The following KALRN variants were observed in gnomAD, a reference collection of about 807,000 sequenced individuals.
The protein encoded by KALRN is kalirin.
A neutral mutation model predicts 353.7 loss-of-function variants in KALRN; 70 were observed. The ratio of observed to expected loss-of-function variants is 0.20; its 90% confidence interval spans 0.16 to 0.24. KALRN has a LOEUF of 0.24. KALRN is among the 10% of genes least tolerant of loss of function. KALRN has a pLI of 1.00. For synonymous variants in KALRN, 1,391 were observed against 1,434.8 expected (o/e 0.97, Z 0.69); for missense variants, 2,791 against 3,756.7 (o/e 0.74, Z 6.72).
intron 1 of KALRN, among the ~76,000 whole-genome samples, chr3:124,142,243 G>A (rs1376038430): frequency 7.9e-5 from 12 of 152,148 alleles, no homozygotes; most frequent in Non-Finnish European, 1.6e-4. Flanking sequence ...GATGTGGAGC[G>A]ACTTGCCACA....
chr3:124,496,014 CACACACATAT>C (rs1561138039), intron 32 of KALRN, among the ~76,000 whole-genome samples: 5 of 27,440 alleles, frequency 1.8e-4, no homozygotes, highest in African/African-American at 7.9e-4. Flanking sequence ...TATATATATA[CACACACATAT>C]ATACATACAT....
At chr3:124,379,577 C>T (rs1237004922) in intron 10 of KALRN, among the ~76,000 whole-genome samples, 1 of 152,220 alleles carries the variant, frequency 6.6e-6, no homozygotes, top group Non-Finnish European at 1.5e-5. Flanking sequence ...CAGAGCAGTT[C>T]TCATTCTAAG....
At chr3:124,423,008 G>T in intron 15 of KALRN, 30 bp downstream of exon 15, 1 of 1,606,838 alleles carries the variant, frequency 6.2e-7, no homozygotes, top group South Asian at 1.1e-5. Context: ...CTTCAGCCTG[G>T]GTTTCTCAGC....
intron 1 of KALRN, among the ~76,000 whole-genome samples, chr3:124,079,042 G>A (rs1419161840): frequency 6.6e-6 from 1 of 152,202 alleles, no homozygotes; most frequent in Non-Finnish European, 1.5e-5. Flanking sequence ...TTGCTTGCTT[G>A]TTTTGTGGCT....
intron 33 of KALRN, chr3:124,518,856 A>C: frequency 9.5e-7 from 1 of 1,047,386 alleles, no homozygotes; most frequent in African/African-American, 1.7e-5. Flanking sequence ...AGAGGGACAC[A>C]CTTATCTCTG....
chr3:124,632,024 C>A (rs944270002), intron 34 of KALRN, among the ~76,000 whole-genome samples: 2 of 152,234 alleles, frequency 1.3e-5, no homozygotes, highest in Non-Finnish European at 2.9e-5. Context: ...ATCTGCACCC[C>A]CTTTTCCAAC....
In KALRN at chr3:124,651,637, C is replaced by CT. The variant is rs66520052; in HGVS notation, c.5795+717dup. On this transcript the variant is annotated intron_variant, in intron 38 of 59. Transcript: ENST00000682506. ...CTTTCATTTTCTTTTTCTTTTCTATCTTTTTTTTTTTTTTTTTTGAGACAG... is the reference window on the plus strand; with the variant it reads ...CTTTCATTTTCTTTTTCTTTTCTATCTTTTTTTTTTTTTTTTTTTGAGACAG... Among the ~76,000 whole-genome samples, 505 of 130,452 alleles carry CT rather than the reference C, an allele frequency of 3.9e-3. 4 individuals are homozygous for CT. The highest frequency in any genetic ancestry group is 0.012 in the South Asian group (50 of 4,086). The allele number at this position is 130,452 out of a possible 152,430, so 85.6% of individuals were successfully genotyped here.
chr3:124,626,068 A>T (rs1006780071), intron 34 of KALRN, among the ~76,000 whole-genome samples: 2 of 152,092 alleles, frequency 1.3e-5, no homozygotes, highest in Non-Finnish European at 2.9e-5. Flanking sequence ...GCAACAGAGT[A>T]AGACTCTGTC....
At chr3:124,095,035 G>C in intron 1 of KALRN, 1 of 863,288 alleles carries the variant, frequency 1.2e-6, no homozygotes, top group Non-Finnish European at 1.9e-6. Context: ...GAATGAAACA[G>C]AGGCAAGTAG....
chr3:124,565,038 T>C (rs907765803), intron 34 of KALRN, among the ~76,000 whole-genome samples: 1 of 152,190 alleles, frequency 6.6e-6, no homozygotes, highest in Non-Finnish European at 1.5e-5. Flanking sequence ...TCCTGATGGT[T>C]AACTGTGAAC....
intron 34 of KALRN, among the ~76,000 whole-genome samples, chr3:124,628,699 C>T (rs1431690152): frequency 6.6e-6 from 1 of 151,224 alleles, no homozygotes; most frequent in Non-Finnish European, 1.5e-5. Flanking sequence ...CCTCAGCCTC[C>T]CAAGTAGCTA....
At chr3:124,659,600 G>T (rs145189655) in intron 43 of KALRN, 143 bp downstream of exon 43, 1 of 602,030 alleles carries the variant, frequency 1.7e-6, no homozygotes, top group East Asian at 2.8e-5. Flanking sequence ...TGGTAGGGAC[G>T]TGGGAACTTT....
intron 3 of KALRN, among the ~76,000 whole-genome samples, chr3:124,253,585 T>A (rs1320121190): frequency 6.6e-6 from 1 of 152,178 alleles, no homozygotes; most frequent in Non-Finnish European, 1.5e-5. Flanking sequence ...GCCACCCTCA[T>A]TAAATGAGGA....
intron 51 of KALRN, among the ~76,000 whole-genome samples, chr3:124,689,302 C>T (rs11928787): frequency 0.16 from 24,129 of 152,184 alleles, 2,415 homozygotes; most frequent in Middle Eastern, 0.28. Context: ...ACAGCCTCAA[C>T]TTCCTGGACT....
intron 51 of KALRN, among the ~76,000 whole-genome samples, chr3:124,681,417 C>T (rs549097407): frequency 1.8e-4 from 28 of 152,242 alleles, no homozygotes; most frequent in African/African-American, 6.7e-4. Context: ...TTAGAATATT[C>T]GTGCTGAACA....
chr3:124,498,295 A>G (rs1199987947), intron 33 of KALRN, among the ~76,000 whole-genome samples: 2 of 152,188 alleles, frequency 1.3e-5, no homozygotes, highest in Non-Finnish European at 2.9e-5. Flanking sequence ...GATGCTGTAG[A>G]GAGATGTGGA....
chr3:124,199,769 T>C (rs1243604464), intron 1 of KALRN, among the ~76,000 whole-genome samples: 3 of 152,106 alleles, frequency 2.0e-5, no homozygotes, highest in Non-Finnish European at 4.4e-5. Context: ...GATGGGTAAT[T>C]GTAGAAGCTT....
intron 16 of KALRN, among the ~76,000 whole-genome samples, chr3:124,432,803 C>A (rs1377743202): frequency 2.0e-5 from 3 of 152,152 alleles, no homozygotes; most frequent in South Asian, 2.1e-4. Flanking sequence ...TTAATCAGTT[C>A]TGGGTTTCTA....
At chr3:124,346,659 G>A (rs1550757) in intron 9 of KALRN, among the ~76,000 whole-genome samples, 1 of 152,140 alleles carries the variant, frequency 6.6e-6, no homozygotes, top group African/African-American at 2.4e-5. Context: ...TCAAGATTAG[G>A]AAGGGGAGTC....
Sources: allele counts gnomAD v4.1 joint callset (sites outside exome capture counted in the v4.1 genomes callset), GRCh38; gene constraint gnomAD v4.1.1; transcripts MANE v1.5; gene names NCBI Gene and HGNC (gene_info 2026-07-23, HGNC 2026-07-21).